Variants in TMEM178B observed in about 807,000 individuals in gnomAD.
The protein encoded by TMEM178B is transmembrane protein 178B.
A neutral mutation model predicts 31.0 loss-of-function variants in TMEM178B; 5 were observed. The observed-to-expected ratio is 0.16, with a 90% CI of 0.08 to 0.34. The LOEUF (loss-of-function observed/expected upper bound fraction) is 0.34. TMEM178B is among the 10% of genes least tolerant of loss of function. The pLI, the probability that TMEM178B is intolerant of heterozygous loss-of-function variation, is 1.00. For synonymous variants in TMEM178B, 164 were observed against 164.0 expected, an observed-to-expected ratio of 1.00 and a Z score of 0.00; for missense variants, 275 against 400.3, an observed-to-expected ratio of 0.69 and a Z score of 2.67.
At chr7:141,277,816 T>C (rs1337453943) in intron 2 of TMEM178B, among the ~76,000 whole-genome samples, 1 of 152,162 alleles carries the variant, frequency 6.6e-6, no homozygotes, top group Non-Finnish European at 1.5e-5. Context: ...CAAAAGGATA[T>C]TAGGGTAAAA....
chr7:141,451,846 A>G (rs930829364), intron 3 of TMEM178B, among the ~76,000 whole-genome samples: 2 of 152,092 alleles, frequency 1.3e-5, no homozygotes, highest in African/African-American at 4.8e-5. Flanking sequence ...AACCCACTTC[A>G]TCTCTTGGAG....
Position 141,074,605 on chromosome 7 carries a change from C to G in TMEM178B, c.295C>G (p.Arg99Gly). 6.5e-7 allele frequency: 1 copy of G among 1,535,808 alleles called. No individual in the cohort carries two copies. The highest frequency in any genetic ancestry group is 8.7e-7 in the Non-Finnish European group (1 of 1,146,700). Residue 99 changes from arginine (R) to glycine (G), a missense_variant, in exon 1 of 4, where the codon CGG (arginine) becomes GGG (glycine). Physicochemically the swap from Arg to Gly is moderately radical, Grantham distance 125 (BLOSUM62 -2). Transcript: ENST00000565468. The surrounding 1 kb of genome is among the most constrained non-coding windows in gnomAD (Gnocchi z 5.1). ...CATGAGCCCCGCGGACGAGTGCAGC[C>G]GGCAGTACAACTCCACCAACATGGG... Reference protein sequence around the residue: ...FAMSPADECSRQYNSTNMGLW... With the variant: ...FAMSPADECSGQYNSTNMGLW...
At chr7:141,295,844 T>G (rs1230251269) in intron 2 of TMEM178B, among the ~76,000 whole-genome samples, 1 of 152,054 alleles carries the variant, frequency 6.6e-6, no homozygotes, top group Non-Finnish European at 1.5e-5. Flanking sequence ...TGAACCTTTG[T>G]CCCCACATTT....
At chr7:141,204,621 C>T (rs542440358) in intron 1 of TMEM178B, among the ~76,000 whole-genome samples, 43 of 152,322 alleles carry the variant, frequency 2.8e-4, no homozygotes, top group African/African-American at 1.0e-3. Context: ...GGTGGGAATT[C>T]AACCCTGGTT....
In TMEM178B at chr7:141,361,706, G is replaced by A. The variant is rs151067580; in HGVS notation, c.497-75902G>A. Among the ~76,000 whole-genome samples the A allele has an allele frequency of 2.6e-5, 4 of 152,248 alleles. No homozygotes were observed. The East Asian group carries it at 7.7e-4, about 29-fold the overall frequency. ...TAGTTTGCCACCATCACCCTCTCTT[G>A]ATTGTCTCCATGACACCGAGGCTGA... On this transcript the variant is annotated intron_variant, in intron 2 of 3. Coordinates refer to ENST00000565468, the MANE Select transcript of TMEM178B (RefSeq NM_001195278.2).
chr7:141,385,083 C>G (rs1038480968), intron 2 of TMEM178B, among the ~76,000 whole-genome samples: 2 of 152,198 alleles, frequency 1.3e-5, no homozygotes, highest in African/African-American at 4.8e-5. Context: ...ATTCTTCGCT[C>G]CAACTAACCA....
rs1048899904 is a variant in TMEM178B at position 141,477,698 on chromosome 7, G to A, written c.*6912G>A. The A allele has an allele frequency of 1.3e-5, 2 of 152,170 alleles. No individual in the cohort carries two copies. The highest frequency in any genetic ancestry group is 4.2e-4 in the South Asian group (2 of 4,812). 9.4% of individuals were successfully genotyped at this position (152,170 alleles called of 1,614,324 possible). On this transcript the variant is annotated 3_prime_UTR_variant, in exon 4 of 4. Coordinates refer to ENST00000565468, the MANE Select transcript of TMEM178B (RefSeq NM_001195278.2). ...GGGGATCAGGGGCTTCCAGGGCTCT[G>A]GGGGTGCGCAGTCCCCTTGTGTATT...
intron 2 of TMEM178B, among the ~76,000 whole-genome samples, chr7:141,226,322 G>A (rs1797341178): frequency 1.3e-5 from 2 of 152,056 alleles, no homozygotes; most frequent in African/African-American, 4.8e-5. Context: ...GTAGCTCCAG[G>A]CCGACTACCC....
At chr7:141,132,253 TC>T (rs1234189026) in intron 1 of TMEM178B, among the ~76,000 whole-genome samples, 3 of 152,318 alleles carry the variant, frequency 2.0e-5, no homozygotes, top group Admixed American at 2.0e-4. Context: ...GACTACCATT[TC>T]TGTTGGATTT....
At chr7:141,156,442 T>A (rs1796070859) in intron 1 of TMEM178B, among the ~76,000 whole-genome samples, 1 of 152,218 alleles carries the variant, frequency 6.6e-6, no homozygotes, top group African/African-American at 2.4e-5. Context: ...AAGCGGTTAT[T>A]TTTGAGTACC....
At chr7:141,117,159 C>T (rs570065286) in intron 1 of TMEM178B, among the ~76,000 whole-genome samples, 1 of 152,340 alleles carries the variant, frequency 6.6e-6, no homozygotes, top group East Asian at 1.9e-4. Context: ...TATTTCTCCA[C>T]ATCCTCTCCA....
At chr7:141,327,349 C>G (rs1021945301) in intron 2 of TMEM178B, among the ~76,000 whole-genome samples, 10 of 152,112 alleles carry the variant, frequency 6.6e-5, no homozygotes, top group African/African-American at 2.2e-4. Context: ...AGTTTCACAG[C>G]AAAACTGAGC....
chr7:141,460,178 C>CA (rs1373269136), intron 3 of TMEM178B, among the ~76,000 whole-genome samples: 2 of 152,206 alleles, frequency 1.3e-5, no homozygotes, highest in African/African-American at 4.8e-5. Flanking sequence ...TAAAACATTA[C>CA]AAATTAATTT....
chr7:141,170,202 G>A (rs1371650960), intron 1 of TMEM178B, among the ~76,000 whole-genome samples: 8 of 152,082 alleles, frequency 5.3e-5, no homozygotes, highest in Admixed American at 5.2e-4. Flanking sequence ...ATGGTTTCTG[G>A]TAAGTATTTT....
intron 1 of TMEM178B, among the ~76,000 whole-genome samples, chr7:141,200,327 G>C (rs1196814629): frequency 6.6e-6 from 1 of 152,016 alleles, no homozygotes; most frequent in Non-Finnish European, 1.5e-5. Flanking sequence ...TTTCTAGTGG[G>C]CTGTCCTGGT....
chr7:141,137,805 GT>G (rs1441699323), intron 1 of TMEM178B, among the ~76,000 whole-genome samples: 1 of 152,090 alleles, frequency 6.6e-6, no homozygotes, highest in African/African-American at 2.4e-5. Flanking sequence ...TACAATTATT[GT>G]GTATCAATGA....
At chr7:141,252,873 C>T (rs1341873543) in intron 2 of TMEM178B, among the ~76,000 whole-genome samples, 2 of 152,224 alleles carry the variant, frequency 1.3e-5, no homozygotes, top group African/African-American at 4.8e-5. Context: ...GGCTTGGCTG[C>T]ATTTGCCCCA....
chr7:141,224,898 A>G (rs1312175726), intron 2 of TMEM178B, among the ~76,000 whole-genome samples: 1 of 152,162 alleles, frequency 6.6e-6, no homozygotes, highest in Non-Finnish European at 1.5e-5. Flanking sequence ...CACTTCTTGG[A>G]TATAGGCACT....
intron 1 of TMEM178B, among the ~76,000 whole-genome samples, chr7:141,152,393 G>A (rs1196038699): frequency 6.6e-6 from 1 of 152,130 alleles, no homozygotes; most frequent in African/African-American, 2.4e-5. Flanking sequence ...ATGCTGGTGT[G>A]GCTTCCAGAC....
Sources: allele counts gnomAD v4.1 joint callset (sites outside exome capture counted in the v4.1 genomes callset), GRCh38; gene constraint gnomAD v4.1.1; non-coding constraint Gnocchi (gnomAD v3.1); transcripts MANE v1.5; gene names NCBI Gene and HGNC (gene_info 2026-07-23, HGNC 2026-07-21).